The following PLXNA4 variants were observed in gnomAD, a reference collection of about 807,000 sequenced individuals.
PLXNA4 encodes the protein plexin-A4.
A neutral mutation model predicts 191.8 loss-of-function variants in PLXNA4; 44 were observed. The observed-to-expected ratio is 0.23, with a 90% CI of 0.18 to 0.29. PLXNA4 has a LOEUF of 0.29. PLXNA4 is among the 10% of genes least tolerant of loss of function. The pLI is 1.00. For missense variants in PLXNA4, 1,800 were observed against 2,488.8 expected, an observed-to-expected ratio of 0.72 and a Z score of 5.89; for synonymous variants, 1,082 against 1,009.5, an observed-to-expected ratio of 1.07 and a Z score of -1.36.
At chr7:132,132,582 A>T (rs1795000767) in intron 31 of PLXNA4, among the ~76,000 whole-genome samples, 2 of 149,986 alleles carry the variant, frequency 1.3e-5, no homozygotes, top group Non-Finnish European at 3.0e-5. Flanking sequence ...ATTCCATTCC[A>T]TTCTATTCTA....
At chr7:132,359,556 C>T (rs1360457136) in intron 3 of PLXNA4, among the ~76,000 whole-genome samples, 1 of 152,132 alleles carries the variant, frequency 6.6e-6, no homozygotes, top group African/African-American at 2.4e-5. Context: ...CTTCATTTGA[C>T]TGTGGCAGTA....
chr7:132,441,127 A>G (rs534919111), intron 3 of PLXNA4, among the ~76,000 whole-genome samples: 5 of 152,318 alleles, frequency 3.3e-5, no homozygotes, highest in African/African-American at 1.2e-4. Flanking sequence ...GGTAAATCAC[A>G]ACTTTGCATG....
In PLXNA4 at chr7:132,134,890, C is replaced by G. The variant is rs181004526; in HGVS notation, c.5439-1691G>C. 7.9e-5 allele frequency among the ~76,000 whole-genome samples: 12 copies of G among 152,292 alleles called. No homozygotes were observed. The East Asian group carries it at 2.3e-3, about 29-fold the overall frequency. The stretch of plus-strand genomic sequence containing the variant: ...TTTCTTTGCTCCATCCCCAGAAGAG[C>G]CTGTTCTCTTCGAGGCCTGTGACCC... On this transcript the variant is annotated intron_variant, in intron 30 of 31. Coordinates refer to ENST00000321063, the MANE Select transcript of PLXNA4 (RefSeq NM_020911.2).
chr7:132,132,488 C>CTAT (rs1563048489), intron 31 of PLXNA4, among the ~76,000 whole-genome samples: 1 of 84,428 alleles, frequency 1.2e-5, no homozygotes, highest in East Asian at 3.6e-4. Flanking sequence ...CTCTGCTCTG[C>CTAT]TCTATTCTTT....
intron 3 of PLXNA4, among the ~76,000 whole-genome samples, chr7:132,462,735 G>A (rs189461568): frequency 2.3e-4 from 35 of 151,496 alleles, no homozygotes; most frequent in African/African-American, 7.5e-4. Flanking sequence ...GAGCCACCAC[G>A]CCCAGCATTA....
At chr7:132,369,934 G>A (rs1264266565) in intron 3 of PLXNA4, among the ~76,000 whole-genome samples, 1 of 152,050 alleles carries the variant, frequency 6.6e-6, no homozygotes, top group Non-Finnish European at 1.5e-5. Flanking sequence ...CGGGTGTGGT[G>A]CCAGGTGCCT....
chr7:132,362,284 T>C (rs1247919756), intron 3 of PLXNA4, among the ~76,000 whole-genome samples: 2 of 152,230 alleles, frequency 1.3e-5, no homozygotes, highest in Admixed American at 6.5e-5. Context: ...GTAGAGCTGC[T>C]ACAATCTCAG....
At chr7:132,357,158 C>G (rs1490578905) in intron 3 of PLXNA4, among the ~76,000 whole-genome samples, 2 of 152,166 alleles carry the variant, frequency 1.3e-5, no homozygotes, top group African/African-American at 4.8e-5. Flanking sequence ...ACACCATCTT[C>G]ATCTAAAAAC....
upstream of PLXNA4, among the ~76,000 whole-genome samples, chr7:132,578,589 A>C (rs1802341832): frequency 6.6e-6 from 1 of 152,200 alleles, no homozygotes; most frequent in African/African-American, 2.4e-5. Flanking sequence ...GTGAGATGAC[A>C]GCTTAAACAA....
intron 2 of PLXNA4, among the ~76,000 whole-genome samples, chr7:132,637,961 G>T (rs111643238): frequency 4.6e-4 from 70 of 152,334 alleles, no homozygotes; most frequent in Middle Eastern, 3.4e-3. Context: ...ATACTAAGCA[G>T]GAGTTTCCTG....
chr7:132,293,933 C>T (rs1800983647), intron 4 of PLXNA4, among the ~76,000 whole-genome samples: 1 of 152,224 alleles, frequency 6.6e-6, no homozygotes. Context: ...TTTAGTCACC[C>T]ATTCCACAAA....
At chr7:132,248,798 A>C (rs1799145562) in intron 4 of PLXNA4, among the ~76,000 whole-genome samples, 1 of 152,186 alleles carries the variant, frequency 6.6e-6, no homozygotes, top group South Asian at 2.1e-4. Flanking sequence ...TCCAGAAGCA[A>C]AGATGTGCTT....
At chr7:132,439,503 C>T (rs374540054) in intron 3 of PLXNA4, among the ~76,000 whole-genome samples, 19 of 75,898 alleles carry the variant, frequency 2.5e-4, no homozygotes, top group African/African-American at 5.5e-4. Flanking sequence ...TATATACATA[C>T]GCATACACAC....
chr7:132,254,624 G>A (rs893390721), intron 4 of PLXNA4, among the ~76,000 whole-genome samples: 17 of 152,192 alleles, frequency 1.1e-4, no homozygotes, highest in Non-Finnish European at 2.4e-4. Context: ...GGGACCCAGC[G>A]GCGCTGTGCC....
At chr7:132,182,686 G>A (rs1796749329) in intron 16 of PLXNA4, among the ~76,000 whole-genome samples, 1 of 152,176 alleles carries the variant, frequency 6.6e-6, no homozygotes, top group Non-Finnish European at 1.5e-5. Flanking sequence ...TTTCTATCTT[G>A]GAGGCTTCGA....
intron 2 of PLXNA4, among the ~76,000 whole-genome samples, chr7:132,632,847 C>A (rs1382825657): frequency 6.6e-6 from 1 of 151,968 alleles, no homozygotes; most frequent in Non-Finnish European, 1.5e-5. Context: ...TGCTGAAGAC[C>A]AGTGGAAATT....
intron 5 of PLXNA4, among the ~76,000 whole-genome samples, chr7:132,237,718 CTCTT>C (rs1179311664): frequency 1.3e-5 from 2 of 152,238 alleles, no homozygotes; most frequent in African/African-American, 4.8e-5. Flanking sequence ...TATCAATCAC[CTCTT>C]TTTATCCTCG....
chr7:132,181,349 C>T, intron 18 of PLXNA4, 32 bp downstream of exon 18: 2 of 1,518,754 alleles, frequency 1.3e-6, no homozygotes. Context: ...CCCTTCTTTT[C>T]CCACCCCCGC....
intron 3 of PLXNA4, among the ~76,000 whole-genome samples, chr7:132,406,759 T>G (rs949840299): frequency 3.9e-5 from 6 of 152,046 alleles, no homozygotes; most frequent in African/African-American, 1.4e-4. Flanking sequence ...GGGCTAGAAT[T>G]TGGGTGACCT....
Sources: gnomAD v4.1 joint callset for allele counts (sites outside exome capture counted in the v4.1 genomes callset) on GRCh38, gnomAD v4.1.1 for gene constraint, MANE v1.5 for transcripts, NCBI Gene and HGNC (gene_info 2026-07-23, HGNC 2026-07-21) for gene names.